Variants in GSN observed in about 807,000 individuals in gnomAD.
GSN encodes the protein actin-depolymerizing factor.
In GSN, 56 loss-of-function variants were observed where a neutral mutation model predicts 85.7. The ratio of observed to expected loss-of-function variants is 0.65; its 90% CI spans 0.53 to 0.82. GSN has a LOEUF of 0.82. Ranked by LOEUF, GSN falls within the 40% of genes least tolerant of loss-of-function variation. The probability of loss-of-function intolerance (pLI) is 0.00; values close to 1 mark genes in which losing one functional copy is unlikely to be tolerated. For synonymous variants in GSN, 373 were observed against 399.1 expected, an observed-to-expected ratio of 0.93 and a Z score of 0.78; for missense variants, 857 against 979.8, an observed-to-expected ratio of 0.87 and a Z score of 1.67.
chr9:121,225,325 C>T (rs1195475985), intron 4 of GSN, among the ~76,000 whole-genome samples: 2 of 152,168 alleles, frequency 1.3e-5, no homozygotes, highest in Admixed American at 1.3e-4. Flanking sequence ...AGAATTCACC[C>T]CAGATCCCAG....
chr9:121,299,614 A>C lies in GSN; in HGVS notation c.-9-2349A>C, dbSNP rs71509562. Reference sequence around the variant, plus strand: ...GCCTGCGCCCATTTAGTGTGCACACAGCTAGCGCCCGCCGTATGTCAGGCC... The same window carrying C: ...GCCTGCGCCCATTTAGTGTGCACACCGCTAGCGCCCGCCGTATGTCAGGCC... On this transcript the variant is annotated intron_variant, in intron 2 of 17. Transcript: ENST00000432226. The surrounding 1 kb of genome is among the most constrained non-coding windows in gnomAD (Gnocchi z 4.2). 8.2e-3 allele frequency: 4,103 copies of C among 502,734 alleles called. 32 individuals are homozygous for C. The highest frequency in any genetic ancestry group is 8.9e-3 in the Non-Finnish European group (3,475 of 388,772). The allele number at this position is 502,734 out of a possible 1,614,324, so 31.1% of individuals were successfully genotyped here. A position where few individuals can be genotyped will look rare whatever the true frequency, so the allele number is the denominator to read the frequency against.
intron 6 of GSN, among the ~76,000 whole-genome samples, chr9:121,255,360 C>T: frequency 6.6e-6 from 1 of 152,146 alleles, no homozygotes; most frequent in East Asian, 1.9e-4. Context: ...CCACCTAGTC[C>T]CTGGGTATCT....
At chr9:121,290,297 G>A (rs1206694563) in intron 2 of GSN, among the ~76,000 whole-genome samples, 1 of 152,190 alleles carries the variant, frequency 6.6e-6, no homozygotes, top group African/African-American at 2.4e-5. Context: ...CTGTATTTTA[G>A]GTGCTGGATC....
chr9:121,275,195 A>G (rs2056521407), intron 1 of GSN, among the ~76,000 whole-genome samples: 1 of 152,218 alleles, frequency 6.6e-6, no homozygotes, highest in African/African-American at 2.4e-5. Flanking sequence ...ATAAAGCATA[A>G]CAAGTTAAGA....
intron 2 of GSN, chr9:121,283,846 C>T (rs771969773): frequency 1.8e-5 from 3 of 167,080 alleles, no homozygotes; most frequent in Non-Finnish European, 4.4e-5. Flanking sequence ...GTGAAGGAAA[C>T]GATCAGGTTA....
intron 2 of GSN, among the ~76,000 whole-genome samples, chr9:121,287,021 G>A (rs1399474924): frequency 1.3e-5 from 2 of 152,124 alleles, no homozygotes; most frequent in South Asian, 2.1e-4. Flanking sequence ...TTCCGGGGAC[G>A]TCCCTATCTA....
rs202182690 is a variant in GSN at position 121,217,798 on chromosome 9, G to GTATTATTAT, written c.-528+6962_-528+6970dup. On this transcript the variant is annotated intron_variant, in intron 4 of 24. Coordinates refer to the GSN transcript ENST00000373823. The stretch of plus-strand genomic sequence containing the variant: ...TAAATATTTCAAATAATATAGAAAT[G>GTATTATTAT]TATTATTATTATTATTATTATTATT... Among the ~76,000 whole-genome samples, 1,056 of 143,358 alleles carry GTATTATTAT rather than the reference G, an allele frequency of 7.4e-3. 9 individuals are homozygous for GTATTATTAT. The highest frequency in any genetic ancestry group is 9.0e-3 in the East Asian group (44 of 4,878). 94.0% of individuals were successfully genotyped at this position (143,358 alleles called of 152,430 possible). A position where few individuals can be genotyped will look rare whatever the true frequency, so the allele number is the denominator to read the frequency against.
chr9:121,323,392 A>C, intron 11 of GSN, among the ~76,000 whole-genome samples: 1 of 30,496 alleles, frequency 3.3e-5, no homozygotes, highest in African/African-American at 9.7e-5. Flanking sequence ...TTTTTTTTAG[A>C]CAGAGTCTTG....
chr9:121,220,985 A>C (rs949142977), intron 4 of GSN, among the ~76,000 whole-genome samples: 7 of 152,220 alleles, frequency 4.6e-5, no homozygotes, highest in Non-Finnish European at 1.0e-4. Context: ...AATGTCAAAA[A>C]TTGTGAGATC....
chr9:121,318,462 A>C lies in GSN; in HGVS notation c.943A>C (p.Ile315Leu). The C allele has an allele frequency of 6.2e-7, 1 of 1,614,088 alleles. No homozygotes were observed. The highest frequency in any genetic ancestry group is 8.5e-7 in the Non-Finnish European group (1 of 1,179,914). Residue 315 changes from isoleucine to leucine, a missense_variant, in exon 9 of 18, where the codon ATC becomes CTC. Coordinates refer to ENST00000432226, the MANE Select transcript of GSN (RefSeq NM_198252.3). The surrounding 1 kb of genome is among the most constrained non-coding windows in gnomAD (Gnocchi z 4.3). ...KAALKTASDF[I>L]TKMDYPKQTQ... ...TGCCCTCAAAACAGCCTCTGACTTC[A>C]TCACCAAGATGGACTACCCCAAGCA...
At chr9:121,301,308 G>A (rs1163848067) in intron 2 of GSN, among the ~76,000 whole-genome samples, 1 of 152,130 alleles carries the variant, frequency 6.6e-6, no homozygotes, top group East Asian at 1.9e-4. Context: ...TCTGTGCCTC[G>A]GTTATCACAT....
chr9:121,274,745 G>A (rs537858346), intron 1 of GSN, among the ~76,000 whole-genome samples: 4 of 152,266 alleles, frequency 2.6e-5, no homozygotes, highest in Non-Finnish European at 4.4e-5. Flanking sequence ...TTGCTAAACC[G>A]ACCTAACAAA....
intron 4 of GSN, among the ~76,000 whole-genome samples, chr9:121,230,430 G>A (rs1564344999): frequency 6.6e-6 from 1 of 152,208 alleles, no homozygotes; most frequent in Non-Finnish European, 1.5e-5. Context: ...CACAGAGCTT[G>A]CCTAATAAGA....
rs56813025 is a variant in GSN at position 121,329,061 on chromosome 9, G to T, written c.1887+46G>T. ...CACCTCTGCTTTCCCCTCGGGAGGCGAGTTCCACAGGACTGGCCGGCAGCA... is the reference window on the plus strand; with the variant it reads ...CACCTCTGCTTTCCCCTCGGGAGGCTAGTTCCACAGGACTGGCCGGCAGCA... On this transcript the variant is annotated intron_variant, in intron 15 of 17. Coordinates refer to ENST00000432226, the MANE Select transcript of GSN (RefSeq NM_198252.3). The surrounding 1 kb of genome is among the most constrained non-coding windows in gnomAD (Gnocchi z 4.6). The T allele has an allele frequency of 1.1e-3, 1,716 of 1,607,506 alleles. 12 individuals carry two copies. The African/African-American group carries it at 0.02, about 19-fold the overall frequency.
chr9:121,218,583 C>T (rs959895274), intron 4 of GSN, among the ~76,000 whole-genome samples: 4 of 152,186 alleles, frequency 2.6e-5, no homozygotes, highest in Admixed American at 1.3e-4. Context: ...TGCAGTAAGC[C>T]GATAACGCAC....
rs144795839 is a variant in GSN at position 121,287,886 on chromosome 9, G to A, written c.-10+6324G>A. ...AAAAGGATCCCTCATGCTTGCTTAC[G>A]TCCATCTCTATGCACACCCCATAGC... On this transcript the variant is annotated intron_variant, in intron 2 of 17. Transcript: ENST00000432226. 1.2e-4 allele frequency among the ~76,000 whole-genome samples: 19 copies of A among 152,068 alleles called. No homozygotes were observed. The East Asian group carries it at 2.9e-3, about 23-fold the overall frequency.
chr9:121,324,710 C>A, intron 12 of GSN, 66 bp downstream of exon 12: 1 of 783,422 alleles, frequency 1.3e-6, no homozygotes, highest in Non-Finnish European at 2.2e-6. Flanking sequence ...ACTCATCTGT[C>A]TGACTCTCAT....
At chr9:121,269,656 T>C (rs1342819818) in intron 1 of GSN, among the ~76,000 whole-genome samples, 1 of 152,210 alleles carries the variant, frequency 6.6e-6, no homozygotes, top group African/African-American at 2.4e-5. Context: ...ATGCTATTTA[T>C]AAATGCCAGG....
At chr9:121,258,807 T>C (rs2055022094) in intron 6 of GSN, among the ~76,000 whole-genome samples, 1 of 151,970 alleles carries the variant, frequency 6.6e-6, no homozygotes, top group Non-Finnish European at 1.5e-5. Flanking sequence ...AAGTAAAAAA[T>C]ATCAATTAGT....
Sources: gnomAD v4.1 joint callset for allele counts (sites outside exome capture counted in the v4.1 genomes callset) on GRCh38, gnomAD v4.1.1 for gene constraint, Gnocchi (gnomAD v3.1) non-coding constraint, MANE v1.5 for transcripts, NCBI Gene and HGNC (gene_info 2026-07-23, HGNC 2026-07-21) for gene names.